Variants in RANBP2 observed in about 807,000 individuals in gnomAD.
RANBP2 encodes E3 SUMO-protein ligase RanBP2.
A neutral mutation model predicts 303.6 loss-of-function variants in RANBP2; 57 were observed. The ratio of observed to expected loss-of-function variants is 0.19; its 90% CI spans 0.15 to 0.23. The LOEUF is 0.23. Among genes scored for constraint, RANBP2 ranks in the 10% least tolerant of loss-of-function variants. The probability of loss-of-function intolerance (pLI) is 1.00; values close to 1 mark genes in which losing one functional copy is unlikely to be tolerated. For missense variants in RANBP2, 3,138 were observed against 3,780.8 expected, an observed-to-expected ratio of 0.83 and a Z score of 4.46; for synonymous variants, 1,167 against 1,301.5, an observed-to-expected ratio of 0.90 and a Z score of 2.23.
the RANBP2 span, among the ~76,000 whole-genome samples, chr2:109,239,242 A>C: frequency 6.6e-6 from 1 of 151,966 alleles, no homozygotes; most frequent in African/African-American, 2.4e-5. Flanking sequence ...GATGGCAAAC[A>C]GCTCACCTGG....
the RANBP2 span, among the ~76,000 whole-genome samples, chr2:109,636,050 C>T: frequency 6.6e-6 from 1 of 152,228 alleles, no homozygotes; most frequent in Non-Finnish European, 1.5e-5. Context: ...AGAGCTCCCT[C>T]TCCTCTTCCT....
chr2:109,165,067 C>T, the RANBP2 span, among the ~76,000 whole-genome samples: 1,057 of 152,272 alleles, frequency 6.9e-3, 17 homozygotes, highest in African/African-American at 0.024. Context: ...GGCAGTGGGC[C>T]TGGACAGAAT....
chr2:109,472,744 A>G, the RANBP2 span, among the ~76,000 whole-genome samples: 1 of 152,176 alleles, frequency 6.6e-6, no homozygotes, highest in Admixed American at 6.5e-5. Flanking sequence ...AATGCATTCC[A>G]TTTGATCTAA....
At chr2:109,259,204 T>C in the RANBP2 span, among the ~76,000 whole-genome samples, 7 of 152,354 alleles carry the variant, frequency 4.6e-5, no homozygotes, top group East Asian at 1.9e-4. Context: ...TGTAGGCTTC[T>C]CTGGCCTTCA....
the RANBP2 span, among the ~76,000 whole-genome samples, chr2:108,862,389 T>C: frequency 6.6e-6 from 1 of 152,162 alleles, no homozygotes; most frequent in Non-Finnish European, 1.5e-5. Flanking sequence ...TGGGAGGTAG[T>C]GTCAGTGGAC....
the RANBP2 span, chr2:109,732,852 A>G: frequency 7.7e-7 from 1 of 1,303,504 alleles, no homozygotes; most frequent in Non-Finnish European, 1.1e-6. Flanking sequence ...GCTTTTGTTG[A>G]ATTTGAAGAT....
At chr2:108,889,703 A>G in the RANBP2 span, among the ~76,000 whole-genome samples, 1 of 152,106 alleles carries the variant, frequency 6.6e-6, no homozygotes, top group Admixed American at 6.5e-5. Flanking sequence ...GTTTCTTGTA[A>G]GAGGCGTATA....
the RANBP2 span, among the ~76,000 whole-genome samples, chr2:108,877,957 T>A: frequency 2.0e-5 from 3 of 152,174 alleles, no homozygotes; most frequent in South Asian, 6.2e-4. Context: ...CAGGAGAAGA[T>A]TTTTAATCCA....
At chr2:109,022,953 A>C in the RANBP2 span, among the ~76,000 whole-genome samples, 30 of 152,240 alleles carry the variant, frequency 2.0e-4, no homozygotes, top group African/African-American at 6.7e-4. Flanking sequence ...CAGCAGGCTG[A>C]GGCAGGAGAA....
At chr2:109,765,649 G>T in the RANBP2 span, among the ~76,000 whole-genome samples, 1 of 150,346 alleles carries the variant, frequency 6.7e-6, no homozygotes, top group South Asian at 2.1e-4. Flanking sequence ...GGAAAACCAC[G>T]TGGTGGGAAG....
chr2:109,338,611 G>T, the RANBP2 span, among the ~76,000 whole-genome samples: 1 of 152,186 alleles, frequency 6.6e-6, no homozygotes, highest in African/African-American at 2.4e-5. Flanking sequence ...AGACTGGAAT[G>T]CAGTGGTACG....
the RANBP2 span, among the ~76,000 whole-genome samples, chr2:109,294,253 G>C: frequency 6.6e-6 from 1 of 152,168 alleles, no homozygotes; most frequent in South Asian, 2.1e-4. Context: ...TCTGAAGACA[G>C]TGTCCTGCCT....
chr2:109,202,722 G>C, the RANBP2 span, among the ~76,000 whole-genome samples: 1 of 152,110 alleles, frequency 6.6e-6, no homozygotes, highest in East Asian at 1.9e-4. Flanking sequence ...ATCTGGAAAC[G>C]CCACGGCCTT....
At chr2:109,288,779 G>T in the RANBP2 span, among the ~76,000 whole-genome samples, 2 of 151,818 alleles carry the variant, frequency 1.3e-5, no homozygotes, top group South Asian at 2.1e-4. Flanking sequence ...ACAGCAGATG[G>T]CTAGAAAGCT....
chr2:109,080,816 A>T, the RANBP2 span, among the ~76,000 whole-genome samples: 1 of 152,212 alleles, frequency 6.6e-6, no homozygotes, highest in Non-Finnish European at 1.5e-5. Flanking sequence ...TTAAACTAGT[A>T]GGGGGTTGTA....
chr2:109,329,835 G>A, the RANBP2 span, among the ~76,000 whole-genome samples: 1 of 152,206 alleles, frequency 6.6e-6, no homozygotes, highest in Non-Finnish European at 1.5e-5. Context: ...GTTTTGTAAG[G>A]TTTGGAACTG....
the RANBP2 span, among the ~76,000 whole-genome samples, chr2:109,082,757 G>A: frequency 4.7e-4 from 72 of 152,148 alleles, no homozygotes; most frequent in Middle Eastern, 3.5e-3. Context: ...GGAGGCTGCA[G>A]TGCACTATGA....
At chr2:109,148,261 C>T in the RANBP2 span, among the ~76,000 whole-genome samples, 1 of 152,222 alleles carries the variant, frequency 6.6e-6, no homozygotes, top group Non-Finnish European at 1.5e-5. Context: ...GTGAGATGGG[C>T]CCCGATCATG....
chr2:109,521,125 G>A, the RANBP2 span, among the ~76,000 whole-genome samples: 1 of 151,868 alleles, frequency 6.6e-6, no homozygotes, highest in Non-Finnish European at 1.5e-5. Flanking sequence ...GGCTGAGGCA[G>A]GAGAATGGCG....
Sources: allele counts gnomAD v4.1 joint callset (sites outside exome capture counted in the v4.1 genomes callset), GRCh38; gene constraint gnomAD v4.1.1; transcripts MANE v1.5; gene names NCBI Gene and HGNC (gene_info 2026-07-23, HGNC 2026-07-21).